Variants in FCGR2A observed in about 807,000 individuals in gnomAD.
FCGR2A encodes the protein Fc gamma receptor IIa, also known as low affinity immunoglobulin gamma Fc region receptor II-a.
FCGR2A carries 18 observed loss-of-function variants against 29.3 expected under a neutral mutation model. The observed-to-expected ratio is 0.62, with a 90% CI of 0.43 to 0.91. The LOEUF (loss-of-function observed/expected upper bound fraction) is 0.91. Among genes scored for constraint, FCGR2A ranks in the 40% least tolerant of loss-of-function variants. The pLI is 0.00. For synonymous variants in FCGR2A, 126 were observed against 144.8 expected (o/e 0.87, Z 0.93); for missense variants, 287 against 393.0 (o/e 0.73, Z 2.28).
Position 161,518,903 on chromosome 1 carries a change from A to T in FCGR2A, c.*755A>T, listed in dbSNP as rs1676313705. Reference sequence around the variant, plus strand: ...CTCCCAAAGTGCTGGGATGACCAGCATCAGCCCCAATGTCCAGCCTCTTTA... The same window carrying T: ...CTCCCAAAGTGCTGGGATGACCAGCTTCAGCCCCAATGTCCAGCCTCTTTA... On this transcript the variant is annotated 3_prime_UTR_variant, in exon 7 of 7. Transcript: ENST00000271450. The T allele has an allele frequency of 3.6e-6, 1 of 276,700 alleles. No homozygotes were observed. Among genetic ancestry groups the T allele is most frequent in the Admixed American group, 4.0e-5 (1 of 24,818 alleles). The allele number at this position is 276,700 out of a possible 1,614,324, so 17.1% of individuals were successfully genotyped here. A position where few individuals can be genotyped will look rare whatever the true frequency, so the allele number is the denominator to read the frequency against.
chr1:161,521,816 T>G (rs1327893773), downstream of FCGR2A, among the ~76,000 whole-genome samples: 1 of 152,110 alleles, frequency 6.6e-6, no homozygotes, highest in Non-Finnish European at 1.5e-5. Context: ...TGTAAGTCCA[T>G]TAAACCTCTT....
At chr1:161,517,431 A>C (rs535995366) in intron 6 of FCGR2A, among the ~76,000 whole-genome samples, 2 of 152,290 alleles carry the variant, frequency 1.3e-5, no homozygotes, top group Non-Finnish European at 2.9e-5. Flanking sequence ...GGTCTGAAGA[A>C]AGCAGAAACA....
At chr1:161,510,099 G>C in intron 4 of FCGR2A, 25 bp downstream of exon 4, 1 of 1,612,032 alleles carries the variant, frequency 6.2e-7, no homozygotes, top group Non-Finnish European at 8.5e-7. Flanking sequence ...CCAAGATGTA[G>C]GGAGGGGAGA....
chr1:161,517,610 A>G (rs1189556071), intron 6 of FCGR2A, among the ~76,000 whole-genome samples: 2 of 152,120 alleles, frequency 1.3e-5, no homozygotes, highest in African/African-American at 4.8e-5. Context: ...TTATTAGGTT[A>G]TTATCTCTCT....
chr1:161,509,732 C>T (rs1303811703), intron 3 of FCGR2A, 88 bp from the exon 4 acceptor site: 1 of 1,528,846 alleles, frequency 6.5e-7, no homozygotes, highest in Non-Finnish European at 9.0e-7. Flanking sequence ...GACATCATGT[C>T]AAGTTCTGTG....
Position 161,510,946 on chromosome 1 carries a change from G to T in FCGR2A, c.732G>T (p.Lys244Asn), listed in dbSNP as rs534740747. The change falls in exon 5 of 7, where the codon AAG becomes AAT. Residue 244 changes from lysine to asparagine, a missense_variant. Lys to Asn is a moderately conservative substitution (Grantham distance 94). Transcript: ENST00000271450. ...TGGCCTTGATCTACTGCAGGAAAAA[G>T]CGGATTTCAGGTTTGTAGCTCCTCC... ...AVVALIYCRK[K>N]RISANSTDPV... 1.2e-6 allele frequency: 2 copies of T among 1,614,164 alleles called. No individual in the cohort carries two copies. Among genetic ancestry groups the T allele is most frequent in the South Asian group, 2.2e-5 (2 of 91,084 alleles).
chr1:161,523,192 A>T (rs1676521738), downstream of FCGR2A: 2 of 152,080 alleles, frequency 1.3e-5, no homozygotes, highest in South Asian at 2.1e-4. Context: ...TGCGTGAGAG[A>T]GGGGGTCGAT....
chr1:161,507,185 A>C (rs1434121024), intron 3 of FCGR2A, among the ~76,000 whole-genome samples: 1 of 152,184 alleles, frequency 6.6e-6, no homozygotes, highest in Non-Finnish European at 1.5e-5. Flanking sequence ...GACAGTGTTC[A>C]GTTTAATAGA....
At chr1:161,521,383 T>G (rs1458500803), downstream of FCGR2A, among the ~76,000 whole-genome samples, 1 of 151,938 alleles carries the variant, frequency 6.6e-6, no homozygotes, top group African/African-American at 2.4e-5. Flanking sequence ...GACTTTAAAC[T>G]GGAAAGTCCT....
At chr1:161,511,010 C>T in intron 5 of FCGR2A, 54 bp downstream of exon 5, 1 of 1,613,522 alleles carries the variant, frequency 6.2e-7, no homozygotes, top group East Asian at 2.2e-5. Flanking sequence ...GGCCCAGGGC[C>T]TAACCCCAGA....
chr1:161,513,987 T>C (rs1675985893), intron 6 of FCGR2A, 55 bp downstream of exon 6: 1 of 1,613,422 alleles, frequency 6.2e-7, no homozygotes, highest in Non-Finnish European at 8.5e-7. Flanking sequence ...CTCTCCTGTT[T>C]CCTCTCATTT....
chr1:161,506,101 C>T, intron 2 of FCGR2A, 94 bp downstream of exon 2: 2 of 1,377,878 alleles, frequency 1.5e-6, no homozygotes, highest in Non-Finnish European at 2.1e-6. Flanking sequence ...ATGTCTATTC[C>T]ACTGAAAATC....
At chr1:161,509,750 T>C in intron 3 of FCGR2A, 70 bp from the exon 4 acceptor site, 1 of 1,586,490 alleles carries the variant, frequency 6.3e-7, no homozygotes, top group Non-Finnish European at 8.6e-7. Context: ...GTGAGTAACG[T>C]ACCTCTGAGA....
intron 4 of FCGR2A, chr1:161,510,440 C>G (rs1675694925): frequency 2.1e-6 from 1 of 483,074 alleles, no homozygotes; most frequent in African/African-American, 1.9e-5. Flanking sequence ...GCCATTCACT[C>G]CAGAAAGCCT....
chr1:161,523,011 C>T (rs1676514089), downstream of FCGR2A: 1 of 152,094 alleles, frequency 6.6e-6, no homozygotes, highest in African/African-American at 2.4e-5. Flanking sequence ...TCTCTTTTTA[C>T]AAATGGAAGT....
chr1:161,510,751 G>T, intron 4 of FCGR2A, 83 bp from the exon 5 acceptor site: 1 of 1,543,066 alleles, frequency 6.5e-7, no homozygotes, highest in Non-Finnish European at 8.9e-7. Context: ...TAGCATTGGA[G>T]GTGGGAGGTG....
At chr1:161,520,893 C>T (rs1017978016), downstream of FCGR2A, among the ~76,000 whole-genome samples, 2 of 151,516 alleles carry the variant, frequency 1.3e-5, no homozygotes, top group African/African-American at 4.9e-5. Context: ...TTCACTCTCT[C>T]TGACCTCATC....
At chr1:161,509,175 G>A (rs1277101107) in intron 3 of FCGR2A, among the ~76,000 whole-genome samples, 8 of 152,204 alleles carry the variant, frequency 5.3e-5, no homozygotes, top group Non-Finnish European at 1.0e-4. Flanking sequence ...GAACCAAGAA[G>A]TAGGCTCTTA....
At chr1:161,522,474 G>C (rs1676492305), downstream of FCGR2A, among the ~76,000 whole-genome samples, 1 of 152,134 alleles carries the variant, frequency 6.6e-6, no homozygotes, top group South Asian at 2.1e-4. Context: ...GCTGGGGGCT[G>C]GAAGAGAAGG....
Sources: gnomAD v4.1 joint callset for allele counts (sites outside exome capture counted in the v4.1 genomes callset) on GRCh38, gnomAD v4.1.1 for gene constraint, MANE v1.5 for transcripts, NCBI Gene and HGNC (gene_info 2026-07-23, HGNC 2026-07-21) for gene names.